STAG1: variants seen among roughly 807,000 people sequenced by gnomAD.
The protein encoded by STAG1 is STAG1 cohesin complex component.
A neutral mutation model predicts 170.9 loss-of-function variants in STAG1; 26 were observed. The observed-to-expected ratio is 0.15, with a 90% confidence interval of 0.11 to 0.21. STAG1 has a LOEUF of 0.21. Ranked by LOEUF, STAG1 falls within the 10% of genes least tolerant of loss-of-function variation. The pLI is 1.00. For synonymous variants in STAG1, 514 were observed against 497.7 expected, an observed-to-expected ratio of 1.03 and a Z score of -0.44; for missense variants, 964 against 1,509.5, an observed-to-expected ratio of 0.64 and a Z score of 5.99.
At chr3:136,471,600 AG>A (rs1165422459) in intron 12 of STAG1, among the ~76,000 whole-genome samples, 1 of 152,172 alleles carries the variant, frequency 6.6e-6, no homozygotes, top group Non-Finnish European at 1.5e-5. Context: ...CAAAGTAGGG[AG>A]AGGAGGATTT....
intron 16 of STAG1, chr3:136,429,973 T>G (rs925511111): frequency 1.3e-5 from 2 of 152,248 alleles, no homozygotes; most frequent in African/African-American, 4.8e-5. Context: ...ATCCATTGTT[T>G]GTGTTAACAG....
intron 7 of STAG1, among the ~76,000 whole-genome samples, chr3:136,517,606 AC>A (rs1196626713): frequency 6.6e-6 from 1 of 152,150 alleles, no homozygotes; most frequent in Non-Finnish European, 1.5e-5. Context: ...AGAAAATCTT[AC>A]CTATTTTTGA....
At chr3:136,749,138 C>T (rs185880952) in intron 1 of STAG1, among the ~76,000 whole-genome samples, 3 of 152,248 alleles carry the variant, frequency 2.0e-5, no homozygotes, top group East Asian at 1.9e-4. Context: ...GATATCATTA[C>T]GGTGATTATA....
At chr3:136,613,512 A>T (rs1939422234) in intron 3 of STAG1, among the ~76,000 whole-genome samples, 1 of 152,038 alleles carries the variant, frequency 6.6e-6, no homozygotes, top group Non-Finnish European at 1.5e-5. Flanking sequence ...TTTAAGATGG[A>T]GTCTTACTCT....
At chr3:136,609,093 T>C (rs1270555986) in intron 3 of STAG1, 1 of 152,218 alleles carries the variant, frequency 6.6e-6, no homozygotes, top group Non-Finnish European at 1.5e-5. Context: ...GAAGTCAAAG[T>C]GAAGAAAGAG....
In STAG1 at chr3:136,500,490, C is replaced by G. The variant is rs561549103; in HGVS notation, c.829-194G>C. On this transcript the variant is annotated intron_variant, in intron 8 of 33. Coordinates refer to ENST00000383202, the MANE Select transcript of STAG1 (RefSeq NM_005862.3). Reference sequence around the variant, plus strand: ...CATTTATATCATATTGGTTTTAGAACTTTTCACTGTCTCTCTCTAGACACA... The same window carrying G: ...CATTTATATCATATTGGTTTTAGAAGTTTTCACTGTCTCTCTCTAGACACA... 6.6e-5 allele frequency among the ~76,000 whole-genome samples: 10 copies of G among 152,176 alleles called. No individual in the cohort carries two copies. The East Asian group carries it at 1.7e-3, about 26-fold the overall frequency.
At chr3:136,598,473 C>A (rs1184589953) in intron 4 of STAG1, among the ~76,000 whole-genome samples, 2 of 151,388 alleles carry the variant, frequency 1.3e-5, no homozygotes, top group African/African-American at 2.4e-5. Context: ...GTTGCCCAGG[C>A]TGGAGTGCAA....
intron 1 of STAG1, among the ~76,000 whole-genome samples, chr3:136,709,092 C>A (rs1943313292): frequency 6.7e-6 from 1 of 149,558 alleles, no homozygotes; most frequent in South Asian, 2.1e-4. Context: ...GGGTTCAAGA[C>A]CAGCCTGACC....
At chr3:136,489,623 A>G (rs186588402) in intron 9 of STAG1, among the ~76,000 whole-genome samples, 48 of 152,330 alleles carry the variant, frequency 3.2e-4, no homozygotes, top group African/African-American at 1.1e-3. Flanking sequence ...AACCAATTTT[A>G]TCACTAAGAT....
At chr3:136,460,546 A>G (rs2089244284) in intron 13 of STAG1, among the ~76,000 whole-genome samples, 1 of 152,092 alleles carries the variant, frequency 6.6e-6, no homozygotes, top group South Asian at 2.1e-4. Context: ...AGGTTGCAGT[A>G]AGCCGAGACT....
At chr3:136,360,278 T>C (rs1407658487) in intron 26 of STAG1, among the ~76,000 whole-genome samples, 1 of 152,292 alleles carries the variant, frequency 6.6e-6, no homozygotes, top group South Asian at 2.1e-4. Context: ...GAAGGGAGTA[T>C]GTAAGGTTTC....
At chr3:136,744,511 CATT>C (rs1433543899) in intron 1 of STAG1, among the ~76,000 whole-genome samples, 7 of 152,236 alleles carry the variant, frequency 4.6e-5, no homozygotes, top group Non-Finnish European at 8.8e-5. Flanking sequence ...CAATACTTGA[CATT>C]ATCAGACTTT....
intron 14 of STAG1, among the ~76,000 whole-genome samples, chr3:136,444,161 C>CCTCCTGCGTTCAAGTGATT (rs1477621786): frequency 6.6e-6 from 1 of 152,084 alleles, no homozygotes; most frequent in Non-Finnish European, 1.5e-5. Context: ...GCAACCTCCA[C>CCTCCTGCGTTCAAGTGATT]CTCCTGCGTT....
At chr3:136,367,725 C>A (rs76868395) in intron 24 of STAG1, among the ~76,000 whole-genome samples, 1,527 of 152,122 alleles carry the variant, frequency 0.01, 33 homozygotes, top group African/African-American at 0.034. Context: ...CAGTGCTCAT[C>A]CTAAACATGG....
intron 28 of STAG1, among the ~76,000 whole-genome samples, chr3:136,355,962 A>G (rs996544957): frequency 6.6e-5 from 10 of 152,186 alleles, no homozygotes; most frequent in Admixed American, 1.3e-4. Flanking sequence ...AAATGCCTGT[A>G]TTGAAAAAGT....
intron 1 of STAG1, among the ~76,000 whole-genome samples, chr3:136,658,447 C>G (rs1169333757): frequency 6.6e-6 from 1 of 151,776 alleles, no homozygotes; most frequent in African/African-American, 2.4e-5. Context: ...ATTTGTATCA[C>G]CAATTTTTGC....
At chr3:136,679,941 C>G (rs1942279204) in intron 1 of STAG1, among the ~76,000 whole-genome samples, 1 of 151,734 alleles carries the variant, frequency 6.6e-6, no homozygotes, top group East Asian at 1.9e-4. Context: ...GACATATATT[C>G]AAAGATACAA....
Position 136,707,963 on chromosome 3 carries a change from G to A in STAG1, c.-84+44232C>T, listed in dbSNP as rs7637620. Among the ~76,000 whole-genome samples the A allele has an allele frequency of 3.1e-3, 476 of 152,112 alleles. 6 individuals carry two copies. The highest frequency in any genetic ancestry group is 0.011 in the African/African-American group (460 of 41,476). ...AACAAATCATATTCAAACAATAGCAGGCGGCTATATTTTTTTAAAAAAAAG... is the reference window on the plus strand; with the variant it reads ...AACAAATCATATTCAAACAATAGCAAGCGGCTATATTTTTTTAAAAAAAAG... On this transcript the variant is annotated intron_variant, in intron 1 of 33. Coordinates refer to ENST00000383202, the MANE Select transcript of STAG1 (RefSeq NM_005862.3).
At chr3:136,503,736 ATTTT>A (rs1933605499) in intron 7 of STAG1, among the ~76,000 whole-genome samples, 1 of 151,872 alleles carries the variant, frequency 6.6e-6, no homozygotes, top group African/African-American at 2.4e-5. Flanking sequence ...AAATTTCATT[ATTTT>A]TATTTTTTTT....
Sources: allele counts gnomAD v4.1 joint callset (sites outside exome capture counted in the v4.1 genomes callset), GRCh38; gene constraint gnomAD v4.1.1; transcripts MANE v1.5; gene names NCBI Gene and HGNC (gene_info 2026-07-23, HGNC 2026-07-21).